The following UBE2O variants were observed in gnomAD, a reference collection of about 807,000 sequenced individuals.
UBE2O encodes (E3-independent) E2 ubiquitin-conjugating enzyme.
A neutral mutation model predicts 125.8 loss-of-function variants in UBE2O; 15 were observed. The observed-to-expected ratio is 0.12, with a 90% CI of 0.08 to 0.18. UBE2O has a LOEUF of 0.18. Among genes scored for constraint, UBE2O ranks in the 10% least tolerant of loss-of-function variants. UBE2O has a pLI of 1.00. For synonymous variants in UBE2O, 708 were observed against 703.2 expected, an observed-to-expected ratio of 1.01 and a Z score of -0.11; for missense variants, 1,280 against 1,723.6, an observed-to-expected ratio of 0.74 and a Z score of 4.56.
chr17:76,453,076 C>G lies in UBE2O; in HGVS notation c.66G>C (p.Pro22=), dbSNP rs934050388. The change falls in exon 1 of 18, where the codon CCG becomes CCC. Residue 22 remains proline (P), a synonymous_variant. Transcript: ENST00000319380. ...CTGCGGCTGGGGCCGGGACTGCCTC[C>G]GGGGCTGGAGCCGGGGCCTGGGCTG... ...PAPAQAPAPA[P]EAVPAPAAAP... 8.2e-7 allele frequency: 1 copy of G among 1,222,652 alleles called. No homozygotes were observed. The highest frequency in any genetic ancestry group is 4.2e-5 in the Admixed American group (1 of 23,990). The allele number at this position is 1,222,652 out of a possible 1,614,324, so 75.7% of individuals were successfully genotyped here.
intron 1 of UBE2O, among the ~76,000 whole-genome samples, chr17:76,424,613 G>A (rs910732159): frequency 6.6e-6 from 1 of 152,054 alleles, no homozygotes; most frequent in African/African-American, 2.4e-5. Context: ...GGTGGCTCAT[G>A]TCTGTAATTC....
intron 1 of UBE2O, among the ~76,000 whole-genome samples, chr17:76,448,591 C>G (rs1156977421): frequency 6.6e-6 from 1 of 152,176 alleles, no homozygotes; most frequent in Non-Finnish European, 1.5e-5. Flanking sequence ...TGGTGAAACC[C>G]TGAATGTCAT....
At position 76,396,407 on chromosome 17, in the gene UBE2O, G is replaced by C. The variant is rs1172584875; in HGVS notation, c.2530C>G (p.Pro844Ala). The change falls in exon 14 of 18, where the codon CCT becomes GCT. Residue 844 changes from proline to alanine, a missense_variant. This residue lies in a region of UBE2O where 210 missense variants were observed against 268.9 expected (regional missense o/e 0.78). Coordinates refer to ENST00000319380, the MANE Select transcript of UBE2O (RefSeq NM_022066.4). This position sits in a 1 kb window ranked among gnomAD's most constrained non-coding sequence, Gnocchi z 6.7. Reference protein sequence around the residue: ...TGSPTSPTVEPEKPTREKKFL... With the variant: ...TGSPTSPTVEAEKPTREKKFL... ...TTCTTCTCCCGAGTTGGCTTCTCAGGCTCCACAGTCGGAGAGGTGGGCGAG... is the reference window on the plus strand; with the variant it reads ...TTCTTCTCCCGAGTTGGCTTCTCAGCCTCCACAGTCGGAGAGGTGGGCGAG... 1.9e-6 allele frequency: 3 copies of C among 1,614,070 alleles called. No homozygotes were observed. The African/African-American group carries it at 4.0e-5, about 22-fold the overall frequency.
chr17:76,442,821 T>G (rs1005134994), intron 1 of UBE2O, among the ~76,000 whole-genome samples: 1 of 151,996 alleles, frequency 6.6e-6, no homozygotes, highest in African/African-American at 2.4e-5. Context: ...TGTTCACTGG[T>G]TGAAGGAGGA....
chr17:76,405,942 G>T lies in UBE2O; in HGVS notation c.418-370C>A, dbSNP rs1157748518. Among the ~76,000 whole-genome samples the T allele has an allele frequency of 6.6e-6, 1 of 152,204 alleles. No homozygotes were observed. The highest frequency in any genetic ancestry group is 2.4e-5 in the African/African-American group (1 of 41,448). The stretch of plus-strand genomic sequence containing the variant: ...ACAGAGAGCAAAACATTTGCTTTGC[G>T]TTCAATCTTTTTTCTGCCCTCTGCA... On this transcript the variant is annotated intron_variant, in intron 1 of 17. Transcript: ENST00000319380. The surrounding 1 kb of genome is among the most constrained non-coding windows in gnomAD (Gnocchi z 6.1).
At chr17:76,416,062 T>C (rs1238511920) in intron 1 of UBE2O, among the ~76,000 whole-genome samples, 2 of 151,880 alleles carry the variant, frequency 1.3e-5, no homozygotes, top group Non-Finnish European at 2.9e-5. Context: ...TACATACACG[T>C]ATATACGTAT....
intron 1 of UBE2O, among the ~76,000 whole-genome samples, chr17:76,440,680 C>T (rs1462044852): frequency 1.3e-5 from 2 of 152,184 alleles, no homozygotes; most frequent in African/African-American, 2.4e-5. Context: ...TTTTCAGGAT[C>T]CTTCCAGAGC....
chr17:76,447,119 CT>C (rs2073164257), intron 1 of UBE2O, among the ~76,000 whole-genome samples: 1 of 152,218 alleles, frequency 6.6e-6, no homozygotes, highest in African/African-American at 2.4e-5. Context: ...TACACTAAGA[CT>C]TTCAACTGTT....
rs879199878 is a variant in UBE2O at position 76,395,574 on chromosome 17, A to G, written c.2946+151T>C. The G allele has an allele frequency of 4.0e-5, 34 of 842,590 alleles. No homozygotes were observed. The South Asian group carries it at 5.4e-4, about 13-fold the overall frequency. 52.2% of individuals were successfully genotyped at this position (842,590 alleles called of 1,614,324 possible). A position where few individuals can be genotyped will look rare whatever the true frequency, so the allele number is the denominator to read the frequency against. ...GGCTGAGTCAGCCCTCACCTGACTG[A>G]GCCTGTGACCGCCCCTGTAAAAGGT... is the stretch of plus-strand genomic sequence containing the variant. On this transcript the variant is annotated intron_variant, in intron 15 of 17. Transcript: ENST00000319380. The surrounding 1 kb of genome is among the most constrained non-coding windows in gnomAD (Gnocchi z 5.0).
chr17:76,409,637 G>A (rs1342774050), intron 1 of UBE2O, among the ~76,000 whole-genome samples: 7 of 151,974 alleles, frequency 4.6e-5, no homozygotes, highest in Admixed American at 4.6e-4. Context: ...CCCATGACCT[G>A]CCCTCCTCAG....
chr17:76,421,272 C>T (rs1166387834), intron 1 of UBE2O, among the ~76,000 whole-genome samples: 1 of 152,226 alleles, frequency 6.6e-6, no homozygotes, highest in African/African-American at 2.4e-5. Flanking sequence ...TCATGGCTGA[C>T]ACCACATGGT....
intron 1 of UBE2O, among the ~76,000 whole-genome samples, chr17:76,412,149 T>C (rs1019161531): frequency 6.6e-6 from 1 of 152,132 alleles, no homozygotes; most frequent in African/African-American, 2.4e-5. Context: ...ACAGGTCAGC[T>C]TGCAATGGCT....
At chr17:76,433,656 G>A (rs1343694940) in intron 1 of UBE2O, among the ~76,000 whole-genome samples, 2 of 151,380 alleles carry the variant, frequency 1.3e-5, no homozygotes, top group Non-Finnish European at 2.9e-5. Context: ...CCAGGAGGTG[G>A]AGTGAGTATT....
Position 76,389,832 on chromosome 17 carries a change from CTTTGCT to C in UBE2O, c.*1105_*1110del, listed in dbSNP as rs1039947083. ...CTTTTTTTCTAATAAGAGTTAATAT[CTTTGCT>C]TTTGAGTTTTTTTTCCAACCTTAAA... On this transcript the variant is annotated 3_prime_UTR_variant, in exon 18 of 18. Transcript: ENST00000319380. 3 of 151,994 alleles carry C rather than the reference CTTTGCT, an allele frequency of 2.0e-5. No homozygotes were observed. The highest frequency in any genetic ancestry group is 4.4e-5 in the Non-Finnish European group (3 of 67,842). The allele number at this position is 151,994 out of a possible 1,614,324, so 9.4% of individuals were successfully genotyped here.
chr17:76,420,288 A>G (rs1371136122), intron 1 of UBE2O, among the ~76,000 whole-genome samples: 2 of 152,152 alleles, frequency 1.3e-5, no homozygotes, highest in Admixed American at 1.3e-4. Flanking sequence ...ATCCAAGGCC[A>G]GTTGTTTCCC....
intron 1 of UBE2O, among the ~76,000 whole-genome samples, chr17:76,449,876 C>T (rs992966976): frequency 2.0e-5 from 3 of 151,358 alleles, no homozygotes; most frequent in African/African-American, 4.9e-5. Context: ...GCCGAGCTGG[C>T]GCCATTGCAC....
chr17:76,412,351 CAAAGAGT>C (rs778767392), intron 1 of UBE2O, among the ~76,000 whole-genome samples: 95 of 152,292 alleles, frequency 6.2e-4, no homozygotes, highest in Middle Eastern at 6.8e-3. Context: ...TGATACTTCC[CAAAGAGT>C]AAAAACAATC....
intron 1 of UBE2O, among the ~76,000 whole-genome samples, chr17:76,445,323 T>G (rs1432324652): frequency 1.3e-5 from 2 of 152,132 alleles, no homozygotes; most frequent in Non-Finnish European, 2.9e-5. Flanking sequence ...TGCTATCAAT[T>G]TAAACCAAAA....
chr17:76,440,833 G>A (rs1230629741), intron 1 of UBE2O, among the ~76,000 whole-genome samples: 1 of 152,188 alleles, frequency 6.6e-6, no homozygotes, highest in Non-Finnish European at 1.5e-5. Context: ...GAGTTGTTGT[G>A]AAGGAGACAG....
Sources: allele counts gnomAD v4.1 joint callset (sites outside exome capture counted in the v4.1 genomes callset), GRCh38; gene constraint gnomAD v4.1.1; regional missense constraint gnomAD v4.1.1; non-coding constraint Gnocchi (gnomAD v3.1); transcripts MANE v1.5; gene names NCBI Gene and HGNC (gene_info 2026-07-23, HGNC 2026-07-21).